The following CDH23 variants were observed in gnomAD, a reference collection of about 807,000 sequenced individuals.
The protein encoded by CDH23 is cadherin-23.
CDH23 carries 189 observed loss-of-function variants against 317.1 expected under a neutral mutation model. The ratio of observed to expected loss-of-function variants is 0.60; its 90% CI spans 0.53 to 0.67. The LOEUF is 0.67. Ranked by LOEUF, CDH23 falls within the 30% of genes least tolerant of loss-of-function variation. The pLI, the probability that CDH23 is intolerant of heterozygous loss-of-function variation, is 0.00. For missense variants in CDH23, 4,401 were observed against 4,592.4 expected (o/e 0.96, Z 1.20); for synonymous variants, 1,839 against 1,876.8 (o/e 0.98, Z 0.52).
At chr10:71,439,971 G>A in intron 2 of CDH23, 73 bp downstream of exon 2, 1 of 1,216,840 alleles carries the variant, frequency 8.2e-7, no homozygotes. Context: ...GGGTGTTGGG[G>A]CTGGTGGTTC....
intron 28 of CDH23, among the ~76,000 whole-genome samples, chr10:71,723,235 G>T (rs1005897919): frequency 3.9e-5 from 6 of 152,186 alleles, no homozygotes; most frequent in Non-Finnish European, 8.8e-5. Flanking sequence ...ACTGCCCTGG[G>T]GGGTGTTTGT....
rs766729411 is a variant in CDH23 at position 71,523,435 on chromosome 10, G to A, written c.429+12223G>A. Among the ~76,000 whole-genome samples, 6 of 152,152 alleles carry A rather than the reference G, an allele frequency of 3.9e-5. No individual in the cohort carries two copies. In the East Asian group the frequency reaches 7.7e-4, roughly 20 times the overall value. On this transcript the variant is annotated intron_variant, in intron 6 of 69. Transcript: ENST00000224721. ...ACCAAACCTTAGAAAAAAATATTCC[G>A]CCCAACACAGCCCAAAAGATGGAGA...
intron 28 of CDH23, chr10:71,713,416 G>A: frequency 1.6e-6 from 1 of 628,532 alleles, no homozygotes; most frequent in South Asian, 1.9e-5. Flanking sequence ...CCAACTATGG[G>A]GTTTCCGACT....
At chr10:71,508,782 G>T (rs1345188297) in intron 3 of CDH23, among the ~76,000 whole-genome samples, 4 of 152,210 alleles carry the variant, frequency 2.6e-5, no homozygotes, top group African/African-American at 9.6e-5. Flanking sequence ...ATCAGAGGAA[G>T]ACTATAGACA....
intron 62 of CDH23, 23 bp downstream of exon 62, chr10:71,810,592 A>ACTGTCAGCCTGTCTGT: frequency 1.2e-6 from 2 of 1,609,398 alleles, no homozygotes; most frequent in Non-Finnish European, 1.7e-6. Flanking sequence ...CTGTGTTTGG[A>ACTGTCAGCCTGTCTGT]CTGTCAGCCT....
At chr10:71,489,869 T>G (rs1852557091) in intron 3 of CDH23, among the ~76,000 whole-genome samples, 1 of 152,072 alleles carries the variant, frequency 6.6e-6, no homozygotes, top group South Asian at 2.1e-4. Context: ...TACAAATCCT[T>G]AAGAGTCACG....
intron 1 of CDH23, among the ~76,000 whole-genome samples, chr10:71,414,706 C>T (rs978607057): frequency 1.3e-5 from 2 of 152,146 alleles, no homozygotes; most frequent in Non-Finnish European, 2.9e-5. Flanking sequence ...CTGCTGACCT[C>T]ATAATACAAA....
chr10:71,501,068 A>T (rs1199338134), intron 3 of CDH23, among the ~76,000 whole-genome samples: 6 of 151,882 alleles, frequency 4.0e-5, no homozygotes, highest in Non-Finnish European at 7.4e-5. Flanking sequence ...GGGTTTAACC[A>T]TGTTGGCCAG....
chr10:71,745,509 C>A (rs906683121), intron 38 of CDH23, among the ~76,000 whole-genome samples: 5 of 152,090 alleles, frequency 3.3e-5, no homozygotes, highest in Non-Finnish European at 1.5e-5. Context: ...CTTCTCAAGA[C>A]CCCCCCTCTA....
At chr10:71,544,636 C>T (rs892714851) in intron 6 of CDH23, among the ~76,000 whole-genome samples, 2 of 152,216 alleles carry the variant, frequency 1.3e-5, no homozygotes, top group African/African-American at 4.8e-5. Flanking sequence ...CCCGGGGCCA[C>T]AGGCACGTTG....
At chr10:71,512,516 C>T (rs559602642) in intron 6 of CDH23, among the ~76,000 whole-genome samples, 95 of 152,318 alleles carry the variant, frequency 6.2e-4, no homozygotes, top group Admixed American at 1.7e-3. Flanking sequence ...GCCTGCACTC[C>T]GGGCCTGGGC....
At chr10:71,591,871 A>T (rs1440942739) in intron 9 of CDH23, among the ~76,000 whole-genome samples, 2 of 152,092 alleles carry the variant, frequency 1.3e-5, no homozygotes, top group Non-Finnish European at 2.9e-5. Context: ...GGGGTGCACT[A>T]GCACCCACAC....
intron 38 of CDH23, among the ~76,000 whole-genome samples, chr10:71,768,409 G>A (rs1398571098): frequency 1.3e-5 from 2 of 152,100 alleles, no homozygotes; most frequent in African/African-American, 4.8e-5. Context: ...GACCTCATGT[G>A]ATCCACCCGC....
At chr10:71,631,667 A>G (rs1013896465) in intron 11 of CDH23, among the ~76,000 whole-genome samples, 6 of 152,274 alleles carry the variant, frequency 3.9e-5, no homozygotes, top group Admixed American at 6.5e-5. Flanking sequence ...TTCTTTTCTT[A>G]ATCCTCTTGG....
chr10:71,421,256 C>G (rs1848801754), intron 1 of CDH23, among the ~76,000 whole-genome samples: 1 of 152,240 alleles, frequency 6.6e-6, no homozygotes, highest in Non-Finnish European at 1.5e-5. Context: ...AGCGGTTCCA[C>G]TCCTGCTCCC....
Position 71,778,309 on chromosome 10 carries a change from G to A in CDH23, c.5187+1G>A, listed in dbSNP as rs1280991447. On this transcript the variant is annotated splice_donor_variant, in intron 40 of 69. Transcript: ENST00000224721. LOFTEE classifies it high-confidence loss of function. ...CCACCGCCTCACCTCTACCACCACGGTGGGTGCATGGGACACAGCCCCAAC... is the reference window on the plus strand; with the variant it reads ...CCACCGCCTCACCTCTACCACCACGATGGGTGCATGGGACACAGCCCCAAC... 2.5e-6 allele frequency: 4 copies of A among 1,613,776 alleles called. No individual in the cohort carries two copies. The African/African-American group carries it at 5.3e-5, about 22-fold the overall frequency.
At chr10:71,779,169 A>T in intron 40 of CDH23, 98 bp from the exon 41 acceptor site, 1 of 1,154,514 alleles carries the variant, frequency 8.7e-7, no homozygotes. Context: ...GGGCCTCATG[A>T]GGCAGAATTA....
At chr10:71,678,229 T>C (rs906777577) in intron 16 of CDH23, among the ~76,000 whole-genome samples, 9 of 151,934 alleles carry the variant, frequency 5.9e-5, no homozygotes, top group Non-Finnish European at 1.2e-4. Flanking sequence ...CTCCAAGCCC[T>C]TTAACGACTG....
chr10:71,574,536 C>A (rs1471322693), intron 8 of CDH23, among the ~76,000 whole-genome samples: 2 of 152,174 alleles, frequency 1.3e-5, no homozygotes, highest in African/African-American at 4.8e-5. Flanking sequence ...GCCTGCTCCC[C>A]CCAAGGACGC....
Sources: allele counts gnomAD v4.1 joint callset (sites outside exome capture counted in the v4.1 genomes callset), GRCh38; gene constraint gnomAD v4.1.1; transcripts MANE v1.5; gene names NCBI Gene and HGNC (gene_info 2026-07-23, HGNC 2026-07-21).